Variants in OLFM3 observed in about 807,000 individuals in gnomAD.
OLFM3 encodes the protein olfactomedin 3, also known as noelin-3.
In OLFM3, 20 loss-of-function variants were observed where a neutral mutation model predicts 48.6. The ratio of observed to expected loss-of-function variants is 0.41; its 90% CI spans 0.29 to 0.60. OLFM3 has a LOEUF of 0.60. Among genes scored for constraint, OLFM3 ranks in the 20% least tolerant of loss-of-function variants. The pLI is 0.28. For missense variants in OLFM3, 437 were observed against 544.3 expected (o/e 0.80, Z 1.96); for synonymous variants, 222 against 198.1 (o/e 1.12, Z -1.01).
chr1:101,851,145 G>A (rs7543929), intron 1 of OLFM3, among the ~76,000 whole-genome samples: 11,356 of 152,128 alleles, frequency 0.075, 1,066 homozygotes, highest in East Asian at 0.32. Context: ...TGGATGGGGT[G>A]TGGTTTGAGA....
chr1:101,927,320 T>C (rs1184775003), intron 1 of OLFM3, among the ~76,000 whole-genome samples: 2 of 152,096 alleles, frequency 1.3e-5, no homozygotes, highest in African/African-American at 2.4e-5. Context: ...TTCCTATTAA[T>C]CTAGAATATA....
At chr1:101,883,296 A>C (rs1657608538) in intron 1 of OLFM3, among the ~76,000 whole-genome samples, 1 of 149,702 alleles carries the variant, frequency 6.7e-6, no homozygotes, top group Admixed American at 6.7e-5. Flanking sequence ...TATATACTAT[A>C]TATAATATAT....
At chr1:101,906,036 G>A (rs2101023098) in intron 1 of OLFM3, among the ~76,000 whole-genome samples, 1 of 152,196 alleles carries the variant, frequency 6.6e-6, no homozygotes, top group South Asian at 2.1e-4. Context: ...AGCTGTAATA[G>A]GGCTGAATTT....
At chr1:101,886,148 G>C (rs1657750879) in intron 1 of OLFM3, among the ~76,000 whole-genome samples, 1 of 151,896 alleles carries the variant, frequency 6.6e-6, no homozygotes, top group Non-Finnish European at 1.5e-5. Context: ...AAAAAATTTT[G>C]AGTTTTTCCT....
intron 1 of OLFM3, among the ~76,000 whole-genome samples, chr1:101,979,419 C>T (rs909897278): frequency 2.6e-5 from 4 of 152,050 alleles, no homozygotes; most frequent in African/African-American, 7.2e-5. Context: ...ATCATGGGGG[C>T]GGTTTCTCCC....
At chr1:101,832,963 A>G (rs1655236272) in intron 2 of OLFM3, among the ~76,000 whole-genome samples, 1 of 152,206 alleles carries the variant, frequency 6.6e-6, no homozygotes, top group African/African-American at 2.4e-5. Flanking sequence ...ATTTGTGGTT[A>G]AACATGTATA....
At chr1:101,992,513 T>C (rs554153231) in intron 1 of OLFM3, among the ~76,000 whole-genome samples, 1 of 152,258 alleles carries the variant, frequency 6.6e-6, no homozygotes, top group African/African-American at 2.4e-5. Context: ...CTGTTCTAAT[T>C]TGAGTTGATC....
intron 3 of OLFM3, among the ~76,000 whole-genome samples, chr1:101,828,020 C>CTCTGTCTGTCTG (rs1256510128): frequency 1.1e-3 from 135 of 121,784 alleles, no homozygotes; most frequent in African/African-American, 4.1e-3. Context: ...CTCTCTCTCT[C>CTCTGTCTGTCTG]TCTCTCTCTC....
chr1:101,804,546 CT>C lies in OLFM3; in HGVS notation c.1068del (p.Asp357IlefsTer5). The C allele has an allele frequency of 6.2e-7, 1 of 1,612,636 alleles. No homozygotes were observed. The highest frequency in any genetic ancestry group is 8.5e-7 in the Non-Finnish European group (1 of 1,179,164). ...CAGCTCTTCATCACCTCCAAGGTAT[CT>C]TGGTTAAGTTGGCTGATGACAATAT... The part of the protein sequence containing the change: ...AGNIVISQLN[Q>X]DTLEVMKSWS... On this transcript the variant is annotated frameshift_variant, in exon 6 of 6. Coordinates refer to ENST00000370103, the MANE Select transcript of OLFM3 (RefSeq NM_058170.4). LOFTEE classifies it high-confidence loss of function. This position sits in a 1 kb window ranked among gnomAD's most constrained non-coding sequence, Gnocchi z 4.5.
chr1:101,961,243 G>T (rs1660457919), intron 1 of OLFM3, among the ~76,000 whole-genome samples: 1 of 152,070 alleles, frequency 6.6e-6, no homozygotes, highest in African/African-American at 2.4e-5. Context: ...AGCTGAAAGA[G>T]AAACTAATTT....
At chr1:101,933,353 G>A (rs748955678) in intron 1 of OLFM3, among the ~76,000 whole-genome samples, 28 of 151,178 alleles carry the variant, frequency 1.9e-4, no homozygotes, top group Middle Eastern at 3.5e-3. Flanking sequence ...CCAAACTGAC[G>A]AAAGAATCTC....
At chr1:101,895,123 C>G (rs1396202558) in intron 1 of OLFM3, among the ~76,000 whole-genome samples, 2 of 152,106 alleles carry the variant, frequency 1.3e-5, no homozygotes, top group South Asian at 4.2e-4. Context: ...TAAACCCTTT[C>G]TAAGAGTAAT....
In OLFM3 at chr1:101,823,332, C is replaced by G. The variant is rs570970236; in HGVS notation, c.592+1694G>C. ...TAGTCTGGGAGGGCAATGAATGATT[C>G]TAGCAAGACACAACATTTAAACTGA... is the stretch of plus-strand genomic sequence containing the variant. On this transcript the variant is annotated intron_variant, in intron 4 of 5. Coordinates refer to ENST00000370103, the MANE Select transcript of OLFM3 (RefSeq NM_058170.4). 9.2e-5 allele frequency among the ~76,000 whole-genome samples: 14 copies of G among 152,138 alleles called. No homozygotes were observed. In the South Asian group the frequency reaches 2.7e-3, roughly 29 times the overall value.
intron 4 of OLFM3, chr1:101,812,364 G>C (rs1260752417): frequency 1.1e-6 from 1 of 900,164 alleles, no homozygotes; most frequent in Non-Finnish European, 1.3e-6. Flanking sequence ...AAACTTCAAA[G>C]TGAAGTTTGA....
At chr1:101,892,345 G>C (rs923069811) in intron 1 of OLFM3, among the ~76,000 whole-genome samples, 6 of 151,962 alleles carry the variant, frequency 3.9e-5, no homozygotes, top group African/African-American at 1.4e-4. Flanking sequence ...CCAGCAGACA[G>C]CCAGTCAAAT....
intron 1 of OLFM3, among the ~76,000 whole-genome samples, chr1:101,977,457 G>A (rs879633786): frequency 3.3e-5 from 5 of 152,232 alleles, no homozygotes; most frequent in Admixed American, 3.3e-4. Context: ...TAGAATCACA[G>A]CATCTGGGAG....
intron 1 of OLFM3, among the ~76,000 whole-genome samples, chr1:101,847,296 C>A (rs1428895162): frequency 2.0e-5 from 3 of 152,000 alleles, no homozygotes; most frequent in Non-Finnish European, 2.9e-5. Context: ...AGTTAGTTAC[C>A]ATCAACAGAA....
chr1:101,929,144 G>A (rs1251316949), intron 1 of OLFM3, among the ~76,000 whole-genome samples: 1 of 152,106 alleles, frequency 6.6e-6, no homozygotes, highest in Non-Finnish European at 1.5e-5. Context: ...AGCAGCAATT[G>A]CACAGGTAAA....
intron 1 of OLFM3, among the ~76,000 whole-genome samples, chr1:101,937,795 G>GT (rs1210324449): frequency 2.0e-5 from 3 of 152,082 alleles, no homozygotes; most frequent in African/African-American, 4.8e-5. Flanking sequence ...CTTATCAAAG[G>GT]TATCTCCTGA....
Sources: gnomAD v4.1 joint callset for allele counts (sites outside exome capture counted in the v4.1 genomes callset) on GRCh38, gnomAD v4.1.1 for gene constraint, Gnocchi (gnomAD v3.1) non-coding constraint, MANE v1.5 for transcripts, NCBI Gene and HGNC (gene_info 2026-07-23, HGNC 2026-07-21) for gene names.